The following PARP16 variants were observed in gnomAD, a reference collection of about 807,000 sequenced individuals.
PARP16 encodes poly(ADP-ribose) polymerase family member 16, also known as protein mono-ADP-ribosyltransferase PARP16.
In PARP16, 31 loss-of-function variants were observed where a neutral mutation model predicts 35.0. The ratio of observed to expected loss-of-function variants is 0.88; its 90% CI spans 0.66 to 1.19. The LOEUF is 1.19. Among genes scored for constraint, PARP16 ranks in the 50% most tolerant of loss-of-function variants. PARP16 has a pLI of 0.00. For synonymous variants in PARP16, 162 were observed against 169.5 expected (o/e 0.96, Z 0.34); for missense variants, 424 against 411.2 (o/e 1.03, Z -0.27).
downstream of PARP16, among the ~76,000 whole-genome samples, chr15:65,254,567 G>A (rs1417095462): frequency 2.0e-5 from 3 of 152,018 alleles, no homozygotes; most frequent in Non-Finnish European, 2.9e-5. Context: ...GGAGCGGGGA[G>A]AGAGACAAGT....
chr15:65,261,679 C>G (rs1184131804), intron 4 of PARP16, among the ~76,000 whole-genome samples: 1 of 151,944 alleles, frequency 6.6e-6, no homozygotes, highest in East Asian at 1.9e-4. Flanking sequence ...TGATCTCAAA[C>G]TCCGGACACC....
downstream of PARP16, among the ~76,000 whole-genome samples, chr15:65,233,509 C>A (rs563213836): frequency 6.6e-6 from 1 of 152,284 alleles, no homozygotes; most frequent in East Asian, 1.9e-4. Context: ...GAGGCCAGGG[C>A]AGGCAGATCA....
intron 2 of PARP16, among the ~76,000 whole-genome samples, chr15:65,252,161 T>C (rs2140783767): frequency 6.6e-6 from 1 of 151,872 alleles, no homozygotes; most frequent in East Asian, 1.9e-4. Flanking sequence ...AGTGTGTGAG[T>C]GGAGGGGGCA....
intron 1 of PARP16, among the ~76,000 whole-genome samples, chr15:65,275,994 C>T (rs1052619480): frequency 2.0e-5 from 3 of 152,130 alleles, no homozygotes; most frequent in Admixed American, 2.0e-4. Context: ...AGCCAGGTGC[C>T]TTTCAGGGAC....
chr15:65,251,852 C>T (rs1410976625), intron 2 of PARP16, among the ~76,000 whole-genome samples: 2 of 152,016 alleles, frequency 1.3e-5, no homozygotes, highest in Admixed American at 6.6e-5. Flanking sequence ...GCAAGCTCCA[C>T]CTCCCGGATT....
intron 2 of PARP16, among the ~76,000 whole-genome samples, chr15:65,251,542 T>A (rs912597394): frequency 4.0e-5 from 6 of 150,672 alleles, no homozygotes; most frequent in Non-Finnish European, 7.4e-5. Context: ...AGACTTTGCA[T>A]GGCAGCCAGA....
chr15:65,266,777 C>T lies in PARP16; in HGVS notation c.313-9G>A, dbSNP rs1375689762. The T allele has an allele frequency of 6.2e-7, 1 of 1,602,306 alleles. No individual in the cohort carries two copies. Among genetic ancestry groups the T allele is most frequent in the Non-Finnish European group, 8.5e-7 (1 of 1,170,824 alleles). On this transcript the variant is annotated splice_polypyrimidine_tract_variant and intron_variant, in intron 2 of 5. Transcript: ENST00000649807. Reference sequence around the variant, plus strand: ...TTTTGGATCTTTTCAAACTTGAAAACATGAAGAGCATCAAAATTTTATTTG... The same window carrying T: ...TTTTGGATCTTTTCAAACTTGAAAATATGAAGAGCATCAAAATTTTATTTG...
intron 1 of PARP16, 21 bp downstream of exon 1, chr15:65,286,232 G>A (rs1486804355): frequency 6.5e-7 from 1 of 1,535,118 alleles, no homozygotes; most frequent in Non-Finnish European, 8.8e-7. Flanking sequence ...AGTGGGCAGC[G>A]CCAGGACAAA....
intron 1 of PARP16, among the ~76,000 whole-genome samples, chr15:65,272,094 G>T (rs1267377962): frequency 6.6e-6 from 1 of 152,204 alleles, no homozygotes; most frequent in East Asian, 1.9e-4. Context: ...CCCACCCCAT[G>T]TGGATCTCAT....
At chr15:65,248,323 C>T (rs1236357571) in intron 2 of PARP16, 2 of 455,582 alleles carry the variant, frequency 4.4e-6, no homozygotes, top group African/African-American at 2.0e-5. Context: ...TGCTTCTGCA[C>T]AAATAGGCAT....
chr15:65,286,539 C>A lies in PARP16; in HGVS notation c.-113G>T. On this transcript the variant is annotated 5_prime_UTR_variant, in exon 1 of 6. Transcript: ENST00000649807. ...AATGGGCCGTCAGGGGCCGGGTTCC[C>A]AAGCCTGGGGTGGAGCTAGGCAGGG... The A allele has an allele frequency of 2.5e-6, 2 of 789,680 alleles. No homozygotes were observed. The highest frequency in any genetic ancestry group is 3.7e-6 in the Non-Finnish European group (2 of 536,392). The allele number at this position is 789,680 out of a possible 1,614,324, so 48.9% of individuals were successfully genotyped here.
At chr15:65,253,904 G>A (rs1251363319), downstream of PARP16, among the ~76,000 whole-genome samples, 1 of 151,952 alleles carries the variant, frequency 6.6e-6, no homozygotes, top group Non-Finnish European at 1.5e-5. Flanking sequence ...TGCAACCTCT[G>A]CCTCCCAGGT....
At chr15:65,263,063 G>T (rs902462505) in intron 4 of PARP16, 86 bp downstream of exon 4, 1 of 1,274,048 alleles carries the variant, frequency 7.8e-7, no homozygotes, top group Admixed American at 2.0e-5. Context: ...GCATGCAATG[G>T]GTGCTCTACC....
chr15:65,253,133 C>CAAAA (rs548065703), downstream of PARP16, among the ~76,000 whole-genome samples: 1 of 84,838 alleles, frequency 1.2e-5, no homozygotes, highest in African/African-American at 4.3e-5. Context: ...AACTCCGTCT[C>CAAAA]AAAAAAAAAA....
Position 65,263,238 on chromosome 15 carries a change from T to C in PARP16, c.602A>G (p.Gln201Arg), listed in dbSNP as rs767896363. ...AAGGATGGGGCCGAGGAGGCTGTGCTGCCACCCATGGCCATGGGGGCTGTA... is the reference window on the plus strand; with the variant it reads ...AAGGATGGGGCCGAGGAGGCTGTGCCGCCACCCATGGCCATGGGGGCTGTA... ...LIYSPHGHGW[Q>R]HSLLGPILSC... Residue 201 changes from glutamine to arginine, a missense_variant, in exon 4 of 6, where the codon CAG (glutamine) becomes CGG (arginine). Coordinates refer to ENST00000649807, the MANE Select transcript of PARP16 (RefSeq NM_001316943.2). 1 of 1,614,142 alleles carries C rather than the reference T, an allele frequency of 6.2e-7. No homozygotes were observed. The highest frequency in any genetic ancestry group is 8.5e-7 in the Non-Finnish European group (1 of 1,179,960).
intron 3 of PARP16, among the ~76,000 whole-genome samples, chr15:65,244,464 C>T (rs1299040424): frequency 3.9e-5 from 6 of 152,100 alleles, no homozygotes; most frequent in African/African-American, 1.4e-4. Flanking sequence ...AGAGTGTGTG[C>T]AAGAGAACTC....
intron 3 of PARP16, among the ~76,000 whole-genome samples, chr15:65,265,635 G>A (rs2089862573): frequency 6.6e-6 from 1 of 152,166 alleles, no homozygotes; most frequent in Admixed American, 6.5e-5. Flanking sequence ...CCTGGAGTGT[G>A]GTCCCCAAGG....
intron 3 of PARP16, among the ~76,000 whole-genome samples, chr15:65,242,626 T>C (rs2089109572): frequency 6.6e-6 from 1 of 152,204 alleles, no homozygotes; most frequent in African/African-American, 2.4e-5. Context: ...TTCCAAGTGT[T>C]TTTTGCTTAT....
At position 65,263,140 on chromosome 15, in the gene PARP16, C is replaced by G. The variant is rs767010460; in HGVS notation, c.691+9G>C. 6.2e-7 allele frequency: 1 copy of G among 1,612,498 alleles called. No homozygotes were observed. The highest frequency in any genetic ancestry group is 1.1e-5 in the South Asian group (1 of 90,736). On this transcript the variant is annotated intron_variant, in intron 4 of 5. Transcript: ENST00000649807. ...CTGTAGCCCAGGTCTGGACCAAGTG[C>G]TCACTCACCCTTCTTCTTGGTTTGG...
Sources: gnomAD v4.1 joint callset for allele counts (sites outside exome capture counted in the v4.1 genomes callset) on GRCh38, gnomAD v4.1.1 for gene constraint, MANE v1.5 for transcripts, NCBI Gene and HGNC (gene_info 2026-07-23, HGNC 2026-07-21) for gene names.